The following WLS variants were observed in gnomAD, a reference collection of about 807,000 sequenced individuals.
WLS encodes the protein protein wntless homolog.
WLS carries 23 observed loss-of-function variants against 62.8 expected under a neutral mutation model. The ratio of observed to expected loss-of-function variants is 0.37; its 90% CI spans 0.26 to 0.52. The LOEUF is 0.52. Ranked by LOEUF, WLS falls within the 20% of genes least tolerant of loss-of-function variation. The probability of loss-of-function intolerance (pLI) is 0.92; values close to 1 mark genes in which losing one functional copy is unlikely to be tolerated. For missense variants in WLS, 615 were observed against 697.3 expected (o/e 0.88, Z 1.33); for synonymous variants, 246 against 244.1 (o/e 1.01, Z -0.07).
At position 68,183,522 on chromosome 1, in the gene WLS, C is replaced by T. The variant is rs546482197; in HGVS notation, c.379+10433G>A. The T allele has an allele frequency of 7.7e-4, 412 of 532,516 alleles. 2 individuals carry two copies. The highest frequency in any genetic ancestry group is 5.5e-3 in the South Asian group (391 of 70,960). 33.0% of individuals were successfully genotyped at this position (532,516 alleles called of 1,614,324 possible). ...CATCAGAAAACACAGAATTAAATAT[C>T]ACAATTCTTGTTGAAGGCCAAAAAT... On this transcript the variant is annotated intron_variant, in intron 2 of 11. Transcript: ENST00000262348.
rs563377630 is a variant in WLS, at chr1:68,226,275, G to A, written c.106+5919C>T. The stretch of plus-strand genomic sequence containing the variant: ...GTTGATAATCTAGGCTCTGATGTCC[G>A]ATTGACTGGAGTTCAATCCCAGCTT... On this transcript the variant is annotated intron_variant, in intron 1 of 11. Coordinates refer to ENST00000262348, the MANE Select transcript of WLS (RefSeq NM_024911.7). 1.4e-4 allele frequency among the ~76,000 whole-genome samples: 22 copies of A among 152,172 alleles called. No homozygotes were observed. The South Asian group carries it at 2.3e-3, about 16-fold the overall frequency.
intron 2 of WLS, chr1:68,186,707 C>A: frequency 2.2e-6 from 1 of 455,278 alleles, no homozygotes; most frequent in Non-Finnish European, 4.4e-6. Context: ...GAGTCTCATG[C>A]ATTCTTAATA....
chr1:68,133,633 CAG>C (rs1457715471), intron 11 of WLS, among the ~76,000 whole-genome samples: 1 of 152,186 alleles, frequency 6.6e-6, no homozygotes, highest in Non-Finnish European at 1.5e-5. Context: ...GAAAGAGAAA[CAG>C]AAATATATGA....
chr1:68,110,542 C>T (rs1038152586), intron 11 of WLS, among the ~76,000 whole-genome samples: 1 of 151,904 alleles, frequency 6.6e-6, no homozygotes, highest in Non-Finnish European at 1.5e-5. Context: ...AAGGAATGTG[C>T]TTTTCTAGAT....
intron 2 of WLS, among the ~76,000 whole-genome samples, chr1:68,170,540 C>G (rs1647137264): frequency 6.6e-6 from 1 of 152,062 alleles, no homozygotes. Context: ...ATAATCACAC[C>G]AAATTTTATG....
intron 2 of WLS, among the ~76,000 whole-genome samples, chr1:68,178,571 T>C (rs1237911598): frequency 6.6e-6 from 1 of 152,022 alleles, no homozygotes; most frequent in Non-Finnish European, 1.5e-5. Context: ...CTGGGCATGG[T>C]GGCACACGCC....
intron 6 of WLS, among the ~76,000 whole-genome samples, chr1:68,149,713 A>G (rs746666236): frequency 1.3e-5 from 2 of 152,174 alleles, no homozygotes; most frequent in Non-Finnish European, 2.9e-5. Flanking sequence ...AATAGGGGTT[A>G]CTAGGCCACC....
intron 1 of WLS, among the ~76,000 whole-genome samples, chr1:68,225,479 C>T (rs748767822): frequency 8.5e-5 from 13 of 152,144 alleles, no homozygotes; most frequent in African/African-American, 1.4e-4. Context: ...ATGAAATAGT[C>T]GTGATCATTT....
At chr1:68,111,564 C>T (rs543732480) in intron 11 of WLS, among the ~76,000 whole-genome samples, 1 of 152,270 alleles carries the variant, frequency 6.6e-6, no homozygotes, top group Admixed American at 6.5e-5. Flanking sequence ...GCTAAATATC[C>T]TCCAATGTGT....
chr1:68,122,314 C>T (rs1294231852), downstream of WLS, among the ~76,000 whole-genome samples: 1 of 152,184 alleles, frequency 6.6e-6, no homozygotes, highest in East Asian at 1.9e-4. Flanking sequence ...AGGGCCCGAT[C>T]AGCTATGAGA....
intron 2 of WLS, among the ~76,000 whole-genome samples, chr1:68,171,672 G>C (rs566171290): frequency 6.6e-6 from 1 of 152,334 alleles, no homozygotes; most frequent in South Asian, 2.1e-4. Context: ...AACAGATGCT[G>C]GAGAGGATGT....
At chr1:68,121,812 ACT>A (rs1646367018), downstream of WLS, among the ~76,000 whole-genome samples, 1 of 152,086 alleles carries the variant, frequency 6.6e-6, no homozygotes, top group Non-Finnish European at 1.5e-5. Context: ...AAGTGTGTTC[ACT>A]CTCTCACCGA....
intron 10 of WLS, chr1:68,138,167 A>G (rs771268915): frequency 2.8e-5 from 15 of 533,096 alleles, no homozygotes; most frequent in Non-Finnish European, 4.3e-5. Flanking sequence ...TTGCCCACAG[A>G]TTAGTATCAC....
rs74346633 is a variant in WLS, at chr1:68,134,069, T to C, written c.1516+3711A>G. On this transcript the variant is annotated intron_variant, in intron 11 of 11. Coordinates refer to ENST00000262348, the MANE Select transcript of WLS (RefSeq NM_024911.7). ...TTCCCATGAGAATGGAAAAGGAGCA[T>C]GGGAATGCTGGAGGTGGAGAGAGAA... 3.1e-3 allele frequency among the ~76,000 whole-genome samples: 465 copies of C among 152,192 alleles called. 6 individuals are homozygous for C. The highest frequency in any genetic ancestry group is 0.011 in the African/African-American group (442 of 41,526).
chr1:68,104,466 A>C (rs757094883), intron 11 of WLS, among the ~76,000 whole-genome samples: 46 of 151,974 alleles, frequency 3.0e-4, no homozygotes, highest in Non-Finnish European at 4.9e-4. Context: ...CAATCAGTGA[A>C]AACTTGGAGG....
At chr1:68,223,351 A>G (rs1486842605) in intron 1 of WLS, among the ~76,000 whole-genome samples, 2 of 152,238 alleles carry the variant, frequency 1.3e-5, no homozygotes, top group African/African-American at 4.8e-5. Flanking sequence ...AATGTTAGAA[A>G]GCAGGATGAC....
rs146510307 is a variant in WLS, at chr1:68,106,876, C to T, written c.1511-8123G>A. 8.5e-5 allele frequency among the ~76,000 whole-genome samples: 13 copies of T among 152,260 alleles called. 1 individual carries two copies. Among genetic ancestry groups the T allele is most frequent in the South Asian group, 4.1e-4 (2 of 4,828 alleles). On this transcript the variant is annotated intron_variant, in intron 11 of 11. Transcript: ENST00000354777. ...AGCAAATATGGACCCCATTATAAAA[C>T]AATGTGCTTTGGACACTGTCAAGAG...
chr1:68,139,818 T>C (rs769021176), intron 10 of WLS, among the ~76,000 whole-genome samples: 1 of 151,770 alleles, frequency 6.6e-6, no homozygotes, highest in African/African-American at 2.4e-5. Flanking sequence ...TACATGGAGG[T>C]AGAAAGTGGA....
chr1:68,142,294 A>C (rs1444223821), intron 10 of WLS, among the ~76,000 whole-genome samples: 1 of 152,220 alleles, frequency 6.6e-6, no homozygotes, highest in African/African-American at 2.4e-5. Context: ...CCTTAGGATC[A>C]AAAGCGTCCT....
Sources: gnomAD v4.1 joint callset for allele counts (sites outside exome capture counted in the v4.1 genomes callset) on GRCh38, gnomAD v4.1.1 for gene constraint, MANE v1.5 for transcripts, NCBI Gene and HGNC (gene_info 2026-07-23, HGNC 2026-07-21) for gene names.